The following INPP5A variants were observed in gnomAD, a reference collection of about 807,000 sequenced individuals.
INPP5A encodes the protein inositol polyphosphate-5-phosphatase A.
Under a neutral mutation model 65.2 loss-of-function variants are expected in INPP5A, and 14 were observed. The ratio of observed to expected loss-of-function variants is 0.21; its 90% CI spans 0.14 to 0.34. INPP5A has a LOEUF of 0.34. Among genes scored for constraint, INPP5A ranks in the 10% least tolerant of loss-of-function variants. The pLI, the probability that INPP5A is intolerant of heterozygous loss-of-function variation, is 1.00. For synonymous variants in INPP5A, 207 were observed against 208.3 expected (o/e 0.99, Z 0.05); for missense variants, 431 against 545.6 (o/e 0.79, Z 2.09).
chr10:132,761,579 G>A (rs537066572), intron 11 of INPP5A, among the ~76,000 whole-genome samples: 43 of 152,118 alleles, frequency 2.8e-4, no homozygotes, highest in Admixed American at 1.2e-3. Flanking sequence ...GGGACAGCAC[G>A]GTGGGGCGGA....
intron 1 of INPP5A, among the ~76,000 whole-genome samples, chr10:132,569,308 C>T (rs1564919279): frequency 6.6e-6 from 1 of 152,028 alleles, no homozygotes; most frequent in Non-Finnish European, 1.5e-5. Flanking sequence ...ATGAAGCTGA[C>T]ATGGTCTTGT....
chr10:132,600,179 A>G (rs2071757585), intron 1 of INPP5A, among the ~76,000 whole-genome samples: 1 of 152,170 alleles, frequency 6.6e-6, no homozygotes, highest in African/African-American at 2.4e-5. Context: ...CAGGCTTCAA[A>G]TTTTCCAAGC....
intron 1 of INPP5A, among the ~76,000 whole-genome samples, chr10:132,578,861 G>A (rs1425629783): frequency 1.3e-5 from 2 of 152,154 alleles, no homozygotes; most frequent in East Asian, 3.9e-4. Flanking sequence ...CAGAGGGGCT[G>A]CGGCCGTAGT....
chr10:132,723,788 C>T (rs770474367), intron 8 of INPP5A, among the ~76,000 whole-genome samples: 1 of 152,132 alleles, frequency 6.6e-6, no homozygotes, highest in Non-Finnish European at 1.5e-5. Context: ...CGCCCTCCCT[C>T]GGGAGCCTCT....
At position 132,698,545 on chromosome 10, in the gene INPP5A, G is replaced by T. The variant is rs944080697; in HGVS notation, c.474+626G>T. ...TGTGCGCGGCTGTTGCTCTGTGCAC[G>T]TGATCTTTGGGTAAACCTCACACGC... is the stretch of plus-strand genomic sequence containing the variant. On this transcript the variant is annotated intron_variant, in intron 6 of 15. Transcript: ENST00000368594. The surrounding 1 kb of genome is among the most constrained non-coding windows in gnomAD (Gnocchi z 5.5). 6.6e-6 allele frequency among the ~76,000 whole-genome samples: 1 copy of T among 152,228 alleles called. No homozygotes were observed. Among genetic ancestry groups the T allele is most frequent in the African/African-American group, 2.4e-5 (1 of 41,450 alleles).
intron 12 of INPP5A, among the ~76,000 whole-genome samples, chr10:132,776,803 G>A (rs893560390): frequency 2.0e-5 from 3 of 152,152 alleles, no homozygotes; most frequent in Non-Finnish European, 4.4e-5. Flanking sequence ...CTGTGCTTGC[G>A]TGTTCCAGAC....
chr10:132,640,193 C>T (rs1192668352), intron 2 of INPP5A, among the ~76,000 whole-genome samples: 2 of 152,234 alleles, frequency 1.3e-5, no homozygotes, highest in African/African-American at 4.8e-5. Context: ...TCTCAGCATG[C>T]ACGCATTCAC....
rs747436058 is a variant in INPP5A, at chr10:132,676,880, G to C, written c.307-13512G>C. On this transcript the variant is annotated intron_variant, in intron 4 of 15. Transcript: ENST00000368594. The surrounding 1 kb of genome is among the most constrained non-coding windows in gnomAD (Gnocchi z 4.0). Reference sequence around the variant, plus strand: ...GGCTCCAGCTCCTCCTTGGCAAGCTGAGTCTTCCCCAGCTTTGAGGCCCAT... The same window carrying C: ...GGCTCCAGCTCCTCCTTGGCAAGCTCAGTCTTCCCCAGCTTTGAGGCCCAT... Among the ~76,000 whole-genome samples the C allele has an allele frequency of 7.2e-5, 11 of 152,200 alleles. No homozygotes were observed. Among genetic ancestry groups the C allele is most frequent in the Non-Finnish European group, 1.6e-4 (11 of 68,032 alleles).
chr10:132,779,410 G>A (rs1170815694), intron 13 of INPP5A, among the ~76,000 whole-genome samples: 1 of 152,276 alleles, frequency 6.6e-6, no homozygotes, highest in South Asian at 2.1e-4. Flanking sequence ...CTGGGAAAAC[G>A]TCGGAGGTCA....
intron 2 of INPP5A, among the ~76,000 whole-genome samples, chr10:132,618,134 T>C (rs903166565): frequency 4.4e-4 from 67 of 152,242 alleles, no homozygotes; most frequent in Admixed American, 2.0e-4. Context: ...TAGGTACTTA[T>C]TCACTTTAAA....
intron 5 of INPP5A, among the ~76,000 whole-genome samples, chr10:132,695,954 T>C (rs1845337465): frequency 6.6e-6 from 1 of 152,056 alleles, no homozygotes; most frequent in South Asian, 2.1e-4. Context: ...CCTAAGGTGA[T>C]GGTGTTAAGA....
rs866653908 is a variant in INPP5A, at chr10:132,595,059, T to C, written c.76-12856T>C. On this transcript the variant is annotated intron_variant, in intron 1 of 15. Coordinates refer to ENST00000368594, the MANE Select transcript of INPP5A (RefSeq NM_005539.5). The stretch of plus-strand genomic sequence containing the variant: ...AAATACCTCTGCCTCAAATACCCAC[T>C]CCAACCTTTGGGCGTTTTTTTCTGT... 5.9e-5 allele frequency among the ~76,000 whole-genome samples: 9 copies of C among 152,354 alleles called. No homozygotes were observed. The South Asian group carries it at 1.9e-3, about 32-fold the overall frequency.
chr10:132,638,546 G>C (rs561047718), intron 2 of INPP5A, among the ~76,000 whole-genome samples: 23 of 152,130 alleles, frequency 1.5e-4, no homozygotes, highest in Non-Finnish European at 2.4e-4. Context: ...GCTATTTGTA[G>C]CTCCCAATTT....
intron 7 of INPP5A, among the ~76,000 whole-genome samples, chr10:132,708,884 T>C (rs1845586045): frequency 1.3e-5 from 2 of 152,228 alleles, no homozygotes; most frequent in Admixed American, 6.5e-5. Context: ...ACCTGTTATC[T>C]GCTTTCCTAA....
chr10:132,668,437 G>A (rs2072836042), intron 4 of INPP5A, among the ~76,000 whole-genome samples: 1 of 152,144 alleles, frequency 6.6e-6, no homozygotes, highest in South Asian at 2.1e-4. Flanking sequence ...GACTTCTTTT[G>A]GCGAAAATCA....
chr10:132,567,915 G>A (rs1005600277), intron 1 of INPP5A, among the ~76,000 whole-genome samples: 11 of 152,068 alleles, frequency 7.2e-5, no homozygotes, highest in Admixed American at 6.5e-4. Context: ...GGCTGAGGCC[G>A]GGCGCGGTGG....
At chr10:132,720,204 T>G (rs1480184868) in intron 8 of INPP5A, among the ~76,000 whole-genome samples, 3 of 150,724 alleles carry the variant, frequency 2.0e-5, no homozygotes, top group Non-Finnish European at 4.4e-5. Flanking sequence ...TCTTGTGGGT[T>G]CTGTGGCACC....
rs1564911592 is a variant in INPP5A at position 132,547,369 on chromosome 10, CG to C, written c.75+9200del. ...TCCTCTTCCTGGCGTCAGGTGTTCTCGGCGGCCTCTCGGTAACAGCCTGGCC... is the reference window on the plus strand; with the variant it reads ...TCCTCTTCCTGGCGTCAGGTGTTCTCGCGGCCTCTCGGTAACAGCCTGGCC... On this transcript the variant is annotated intron_variant, in intron 1 of 15. Transcript: ENST00000368594. The surrounding 1 kb of genome is among the most constrained non-coding windows in gnomAD (Gnocchi z 5.5). Among the ~76,000 whole-genome samples the C allele has an allele frequency of 1.3e-5, 2 of 152,192 alleles. No individual in the cohort carries two copies. The highest frequency in any genetic ancestry group is 2.4e-5 in the African/African-American group (1 of 41,466).
In INPP5A at chr10:132,555,328, C is replaced by G. The variant is rs1005434364; in HGVS notation, c.75+17157C>G. On this transcript the variant is annotated intron_variant, in intron 1 of 15. Transcript: ENST00000368594. The surrounding 1 kb of genome is among the most constrained non-coding windows in gnomAD (Gnocchi z 4.4). ...AAGATGTCGTAGGAGAGGCTGTTGT[C>G]CCCTGAGTACGTTCACCCCATTTTA... Among the ~76,000 whole-genome samples, 3 of 152,076 alleles carry G rather than the reference C, an allele frequency of 2.0e-5. No homozygotes were observed. The highest frequency in any genetic ancestry group is 7.3e-5 in the African/African-American group (3 of 41,376).
Sources: gnomAD v4.1 joint callset for allele counts (sites outside exome capture counted in the v4.1 genomes callset) on GRCh38, gnomAD v4.1.1 for gene constraint, Gnocchi (gnomAD v3.1) non-coding constraint, MANE v1.5 for transcripts, NCBI Gene and HGNC (gene_info 2026-07-23, HGNC 2026-07-21) for gene names.